Variants in PHEX observed in about 807,000 individuals in gnomAD.
The protein encoded by PHEX is phosphate regulating endopeptidase X-linked.
Under a neutral mutation model 68.0 loss-of-function variants are expected in PHEX, and 16 were observed. The ratio of observed to expected loss-of-function variants is 0.24; its 90% CI spans 0.16 to 0.36. The LOEUF (loss-of-function observed/expected upper bound fraction) is 0.36. PHEX is among the 10% of genes least tolerant of loss of function. The pLI, the probability that PHEX is intolerant of heterozygous loss-of-function variation, is 1.00. For missense variants in PHEX, 480 were observed against 575.5 expected (o/e 0.83, Z 1.70); for synonymous variants, 208 against 205.1 (o/e 1.01, Z -0.12).
chrX:22,067,958 G>A (rs942460827), intron 3 of PHEX, among the ~76,000 whole-genome samples: 18 of 109,261 alleles, frequency 1.6e-4, no homozygotes, highest in Admixed American at 3.9e-4. Flanking sequence ...TCAGCCTCCC[G>A]AGTAGCTAGG....
At chrX:22,167,663 A>T (rs1180559030) in intron 12 of PHEX, among the ~76,000 whole-genome samples, 1 of 106,902 alleles carries the variant, frequency 9.4e-6, no homozygotes. Flanking sequence ...GGCTTTTTTT[A>T]AAATTTATTT....
At chrX:22,119,577 CTCTTG>C (rs1406230640) in intron 11 of PHEX, among the ~76,000 whole-genome samples, 3 of 108,619 alleles carry the variant, frequency 2.8e-5, no homozygotes, top group African/African-American at 6.7e-5. Context: ...TTTTTTAATA[CTCTTG>C]TCTTTTTCTT....
At chrX:22,127,979 G>A (rs753732033) in intron 11 of PHEX, among the ~76,000 whole-genome samples, 1 of 111,737 alleles carries the variant, frequency 8.9e-6, no homozygotes, top group South Asian at 3.7e-4. Context: ...TCTGGCAGTG[G>A]GCTGAAATGT....
intron 14 of PHEX, among the ~76,000 whole-genome samples, chrX:22,185,756 G>GTTTTTTGTTTTTTTTTTTT (rs1207128506): frequency 1.1e-5 from 1 of 87,796 alleles, no homozygotes; most frequent in African/African-American, 5.0e-5. Flanking sequence ...CTCGTTTGTG[G>GTTTTTTGTTTTTTTTTTTT]TTTTTTTTTT....
intron 18 of PHEX, among the ~76,000 whole-genome samples, chrX:22,222,064 G>A (rs771892328): frequency 1.8e-5 from 2 of 111,909 alleles, no homozygotes; most frequent in Non-Finnish European, 3.8e-5. Context: ...CTTTTAAAGG[G>A]AATGTTTATA....
In PHEX at chrX:22,071,031, C is replaced by T. The variant is rs750222436; in HGVS notation, c.350-5357C>T. 1.5e-3 allele frequency among the ~76,000 whole-genome samples: 166 copies of T among 111,967 alleles called. 1 individual carries two copies. Among genetic ancestry groups the T allele is most frequent in the African/African-American group, 5.2e-3 (161 of 30,873 alleles). Reference sequence around the variant, plus strand: ...TATGAACTCTTGACTAAGCATGGTACTGTAAAATCCTCAAGGGCCTCATCC... The same window carrying T: ...TATGAACTCTTGACTAAGCATGGTATTGTAAAATCCTCAAGGGCCTCATCC... On this transcript the variant is annotated intron_variant, in intron 3 of 21. Coordinates refer to ENST00000379374, the MANE Select transcript of PHEX (RefSeq NM_000444.6).
intron 11 of PHEX, among the ~76,000 whole-genome samples, chrX:22,121,969 C>T (rs1428833754): frequency 3.6e-5 from 4 of 111,842 alleles, no homozygotes; most frequent in African/African-American, 1.3e-4. Flanking sequence ...GAACTTGCAA[C>T]CTCAATACAC....
chrX:22,231,927 C>T (rs780345279), intron 20 of PHEX, among the ~76,000 whole-genome samples: 3 of 112,161 alleles, frequency 2.7e-5, no homozygotes, highest in South Asian at 7.4e-4. Flanking sequence ...TTTCTCTCTA[C>T]ACACTGATTT....
chrX:22,097,145 G>C, intron 8 of PHEX, 107 bp downstream of exon 8: 1 of 587,468 alleles, frequency 1.7e-6, no homozygotes, highest in Non-Finnish European at 3.0e-6. Flanking sequence ...TCTCAGTCTT[G>C]GTTATCATCA....
intron 16 of PHEX, among the ~76,000 whole-genome samples, chrX:22,214,367 T>C (rs1935019361): frequency 8.9e-6 from 1 of 112,301 alleles, no homozygotes; most frequent in African/African-American, 3.2e-5. Flanking sequence ...TAAGTTCAAC[T>C]GATTAGCAAC....
In PHEX at chrX:22,196,142, G is replaced by A. The variant is rs73636819; in HGVS notation, c.1645+5640G>A. Among the ~76,000 whole-genome samples, 465 of 111,647 alleles carry A rather than the reference G, an allele frequency of 4.2e-3. 1 individual carries two copies. The highest frequency in any genetic ancestry group is 0.015 in the African/African-American group (448 of 30,471). On this transcript the variant is annotated intron_variant, in intron 15 of 21. Coordinates refer to ENST00000379374, the MANE Select transcript of PHEX (RefSeq NM_000444.6). Reference sequence around the variant, plus strand: ...AGCAGTGAGCTATGATTATGCCACTGTACTCCAGCCTGGGTGACAGAGCAA... The same window carrying A: ...AGCAGTGAGCTATGATTATGCCACTATACTCCAGCCTGGGTGACAGAGCAA...
intron 18 of PHEX, 77 bp downstream of exon 18, chrX:22,221,820 T>C: frequency 1.1e-6 from 1 of 940,611 alleles, no homozygotes; most frequent in East Asian, 3.1e-5. Context: ...CTTTAAACCA[T>C]TGGTTCTCAA....
chrX:22,151,361 C>T lies in PHEX; in HGVS notation c.1405-16951C>T, dbSNP rs190785160. ...TGGTCTGCTGCTCATGGTAAATTTC[C>T]TGCATTTCAAACCCCAAAGTCAGTT... On this transcript the variant is annotated intron_variant, in intron 12 of 21. Transcript: ENST00000379374. 1.7e-3 allele frequency among the ~76,000 whole-genome samples: 195 copies of T among 111,728 alleles called. 1 individual carries two copies. The highest frequency in any genetic ancestry group is 5.7e-3 in the African/African-American group (176 of 30,741).
rs6633517 is a variant in PHEX at position 22,092,243 on chromosome X, T to G, written c.733-1740T>G. 8.4e-3 allele frequency among the ~76,000 whole-genome samples: 937 copies of G among 112,042 alleles called. 13 individuals carry two copies. Among genetic ancestry groups the G allele is most frequent in the African/African-American group, 0.029 (886 of 30,818 alleles). On this transcript the variant is annotated intron_variant, in intron 6 of 21. Coordinates refer to ENST00000379374, the MANE Select transcript of PHEX (RefSeq NM_000444.6). ...TAATGTTACAGTTCATAATTACATGTTTATCTCCCTCACTGTTTGGGAACC... is the reference window on the plus strand; with the variant it reads ...TAATGTTACAGTTCATAATTACATGGTTATCTCCCTCACTGTTTGGGAACC...
intron 3 of PHEX, among the ~76,000 whole-genome samples, chrX:22,057,608 A>AGTCCC (rs1928173614): frequency 9.0e-6 from 1 of 110,747 alleles, no homozygotes; most frequent in South Asian, 3.8e-4. Context: ...AAAAAAAGAA[A>AGTCCC]GTCCCCTACC....
intron 8 of PHEX, among the ~76,000 whole-genome samples, chrX:22,098,795 CAAAAAAAAA>C (rs746223770): frequency 3.5e-4 from 4 of 11,373 alleles, no homozygotes; most frequent in African/African-American, 8.9e-4. Flanking sequence ...GAGAATGTCT[CAAAAAAAAA>C]AAAAAAAAAA....
At chrX:22,055,097 C>G (rs1292985013) in intron 3 of PHEX, among the ~76,000 whole-genome samples, 3 of 102,647 alleles carry the variant, frequency 2.9e-5, no homozygotes, top group Non-Finnish European at 3.9e-5. Flanking sequence ...ATTGCATGAA[C>G]CTGGGAGGCA....
chrX:22,040,308 C>T (rs1927214736), intron 2 of PHEX, among the ~76,000 whole-genome samples: 1 of 111,369 alleles, frequency 9.0e-6, no homozygotes, highest in Non-Finnish European at 1.9e-5. Context: ...AGCAGTGAAC[C>T]AGGTATGGGA....
At chrX:22,034,603 C>T (rs1926930348) in intron 1 of PHEX, among the ~76,000 whole-genome samples, 1 of 112,022 alleles carries the variant, frequency 8.9e-6, no homozygotes, top group South Asian at 3.7e-4. Context: ...AACTTTCCAG[C>T]GTGCCCAATA....
Sources: gnomAD v4.1 joint callset for allele counts (sites outside exome capture counted in the v4.1 genomes callset) on GRCh38, gnomAD v4.1.1 for gene constraint, MANE v1.5 for transcripts, NCBI Gene and HGNC (gene_info 2026-07-23, HGNC 2026-07-21) for gene names.